The following ACOX1 variants were observed in gnomAD, a reference collection of about 807,000 sequenced individuals.
The protein encoded by ACOX1 is acyl-CoA oxidase 1, also known as peroxisomal acyl-coenzyme A oxidase 1.
A neutral mutation model predicts 75.5 loss-of-function variants in ACOX1; 41 were observed. The ratio of observed to expected loss-of-function variants is 0.54; its 90% confidence interval spans 0.42 to 0.70. The LOEUF (loss-of-function observed/expected upper bound fraction) is 0.70. ACOX1 is among the 30% of genes least tolerant of loss of function. The pLI, the probability that ACOX1 is intolerant of heterozygous loss-of-function variation, is 0.00. For missense variants in ACOX1, 630 were observed against 837.5 expected (o/e 0.75, Z 3.06); for synonymous variants, 303 against 298.8 (o/e 1.01, Z -0.15).
chr17:75,975,765 A>C (rs2066042449), intron 2 of ACOX1, among the ~76,000 whole-genome samples: 1 of 152,048 alleles, frequency 6.6e-6, no homozygotes, highest in African/African-American at 2.4e-5. Flanking sequence ...AACATGGTGA[A>C]ACCCCATTTC....
Position 75,942,109 on chromosome 17 carries a change from G to A in ACOX1, c.*4639C>T, listed in dbSNP as rs576753775. On this transcript the variant is annotated 3_prime_UTR_variant, in exon 14 of 14. Coordinates refer to ENST00000293217, the MANE Select transcript of ACOX1 (RefSeq NM_004035.7). ...TTACTATCATGAACCATAGGAAGAAGTACTGGAAAATTTAGTAAGTGTGGA... is the reference window on the plus strand; with the variant it reads ...TTACTATCATGAACCATAGGAAGAAATACTGGAAAATTTAGTAAGTGTGGA... 2 of 152,294 alleles carry A rather than the reference G, an allele frequency of 1.3e-5. No homozygotes were observed. Among genetic ancestry groups the A allele is most frequent in the East Asian group, 1.9e-4 (1 of 5,184 alleles). The allele number at this position is 152,294 out of a possible 1,614,324, so 9.4% of individuals were successfully genotyped here.
chr17:75,955,719 C>T, intron 5 of ACOX1, 38 bp from the exon 6 acceptor site: 1 of 1,611,560 alleles, frequency 6.2e-7, no homozygotes, highest in East Asian at 2.2e-5. Context: ...GATGTTTATG[C>T]TCTGGAATTT....
chr17:75,963,026 G>A (rs1045760493), intron 2 of ACOX1, among the ~76,000 whole-genome samples: 1 of 152,110 alleles, frequency 6.6e-6, no homozygotes, highest in Non-Finnish European at 1.5e-5. Context: ...AGCTACTTGG[G>A]AGGCTGAGGC....
intron 2 of ACOX1, among the ~76,000 whole-genome samples, chr17:75,976,667 G>T (rs1341460022): frequency 2.6e-5 from 4 of 152,122 alleles, no homozygotes; most frequent in Non-Finnish European, 5.9e-5. Flanking sequence ...GAGCTCTGAG[G>T]AAAGTCCAAA....
Position 75,942,116 on chromosome 17 carries a change from A to G in ACOX1, c.*4632T>C, listed in dbSNP as rs2065675893. The G allele has an allele frequency of 6.6e-6, 1 of 152,208 alleles. No homozygotes were observed. Among genetic ancestry groups the G allele is most frequent in the Non-Finnish European group, 1.5e-5 (1 of 68,040 alleles). The allele number at this position is 152,208 out of a possible 1,614,324, so 9.4% of individuals were successfully genotyped here. ...CATGAACCATAGGAAGAAGTACTGG[A>G]AAATTTAGTAAGTGTGGACAGTTAA... On this transcript the variant is annotated 3_prime_UTR_variant, in exon 14 of 14. Transcript: ENST00000293217.
In ACOX1 at chr17:75,949,231, C is replaced by T; in HGVS notation, c.1714G>A (p.Gly572Arg). 1 of 1,614,192 alleles carries T rather than the reference C, an allele frequency of 6.2e-7. No individual in the cohort carries two copies. Among genetic ancestry groups the T allele is most frequent in the Non-Finnish European group, 8.5e-7 (1 of 1,180,042 alleles). The change falls in exon 12 of 14, where the codon GGG becomes AGG. Residue 572 changes from glycine to arginine, a missense_variant. This residue lies in a region of ACOX1 where 240 missense variants were observed against 262.7 expected (regional missense o/e 0.91). Transcript: ENST00000293217. ...YSLYGISQNA[G>R]DFLQGSIMTE... is the part of the protein sequence containing the mutation. ...AAAATACTGACCTGAAGGAAATCCC[C>T]CGCGTTCTGACTGATTCCATACAGA...
At chr17:75,966,007 G>A (rs866281523) in intron 2 of ACOX1, among the ~76,000 whole-genome samples, 3 of 151,842 alleles carry the variant, frequency 2.0e-5, no homozygotes, top group Middle Eastern at 3.2e-3. Flanking sequence ...GCACATGCCT[G>A]TAATCCCAGC....
chr17:75,979,077 G>A lies in ACOX1; in HGVS notation c.-4C>T, dbSNP rs1440326950. On this transcript the variant is annotated 5_prime_UTR_variant, in exon 1 of 14. Transcript: ENST00000293217. ...CCCTGCGCAGGTCCGGGTTCATGGC[G>A]ACGACCAGCTGGCAGCGAAGTAAGC... 20 of 1,611,072 alleles carry A rather than the reference G, an allele frequency of 1.2e-5. No individual in the cohort carries two copies. Among genetic ancestry groups the A allele is most frequent in the Non-Finnish European group, 1.7e-5 (20 of 1,179,976 alleles).
Position 75,968,403 on chromosome 17 carries a change from T to C in ACOX1, c.270-8028A>G, listed in dbSNP as rs796983157. On this transcript the variant is annotated intron_variant, in intron 2 of 13. Transcript: ENST00000293217. Reference sequence around the variant, plus strand: ...GTGAGCCGAGATCCCGCCACTGCACTCCAGCCTGGGCGACAGAGCGAGACT... The same window carrying C: ...GTGAGCCGAGATCCCGCCACTGCACCCCAGCCTGGGCGACAGAGCGAGACT... Among the ~76,000 whole-genome samples, 417 of 115,798 alleles carry C rather than the reference T, an allele frequency of 3.6e-3. 1 individual carries two copies. Among genetic ancestry groups the C allele is most frequent in the African/African-American group, 0.015 (398 of 26,404 alleles). 76.0% of individuals were successfully genotyped at this position (115,798 alleles called of 152,430 possible). A position where few individuals can be genotyped will look rare whatever the true frequency, so the allele number is the denominator to read the frequency against.
rs974939141 is a variant in ACOX1 at position 75,946,802 on chromosome 17, G to A, written c.1936-7C>T. 1.2e-5 allele frequency: 19 copies of A among 1,612,994 alleles called. No homozygotes were observed. Among genetic ancestry groups the A allele is most frequent in the Non-Finnish European group, 1.4e-5 (17 of 1,179,206 alleles). On this transcript the variant is annotated splice_region_variant and splice_polypyrimidine_tract_variant and intron_variant, in intron 13 of 13. Coordinates refer to ENST00000293217, the MANE Select transcript of ACOX1 (RefSeq NM_004035.7). ...GCTTGTAAGATTCGTGGACCTGTGG[G>A]GAAAGGAGAGAGAAGAACTACTAAT...
chr17:75,975,372 G>A, intron 2 of ACOX1, among the ~76,000 whole-genome samples: 1 of 151,998 alleles, frequency 6.6e-6, no homozygotes, highest in Non-Finnish European at 1.5e-5. Flanking sequence ...GGCCAGGCTG[G>A]TCATGAAGTG....
chr17:75,967,572 A>G (rs2065942994), intron 2 of ACOX1, among the ~76,000 whole-genome samples: 1 of 148,764 alleles, frequency 6.7e-6, no homozygotes, highest in South Asian at 2.1e-4. Context: ...AACGTTTAGC[A>G]AAGCAGAAAA....
chr17:75,955,128 A>C (rs1598179978), intron 6 of ACOX1, among the ~76,000 whole-genome samples: 1 of 132,384 alleles, frequency 7.6e-6, no homozygotes, highest in Non-Finnish European at 1.5e-5. Flanking sequence ...TCAGCCTCCC[A>C]AAAGTGCTGG....
intron 4 of ACOX1, among the ~76,000 whole-genome samples, chr17:75,957,044 C>A (rs2065839816): frequency 6.7e-6 from 1 of 148,548 alleles, no homozygotes; most frequent in South Asian, 2.1e-4. Context: ...TATACACACA[C>A]ACACACCCCT....
At chr17:75,972,172 C>T (rs1401854449) in intron 2 of ACOX1, among the ~76,000 whole-genome samples, 1 of 151,536 alleles carries the variant, frequency 6.6e-6, no homozygotes, top group African/African-American at 2.4e-5. Context: ...TACTAAAATA[C>T]AAAAAATTAG....
intron 6 of ACOX1, among the ~76,000 whole-genome samples, chr17:75,953,899 C>G (rs2065797587): frequency 6.6e-6 from 1 of 152,222 alleles, no homozygotes; most frequent in Admixed American, 6.5e-5. Flanking sequence ...ACCCTGACAA[C>G]TGTTTCTGAT....
In ACOX1 at chr17:75,960,636, C is replaced by T. The variant is rs528851682; in HGVS notation, c.270-261G>A. ...AAAGCCAATGCAGCACAAAACCACA[C>T]GTGCAAGGCAGAGGATCCTCGCCCA... On this transcript the variant is annotated intron_variant, in intron 2 of 13. Coordinates refer to ENST00000293217, the MANE Select transcript of ACOX1 (RefSeq NM_004035.7). This position sits in a 1 kb window ranked among gnomAD's most constrained non-coding sequence, Gnocchi z 4.4. Among the ~76,000 whole-genome samples the T allele has an allele frequency of 5.2e-4, 79 of 152,250 alleles. No homozygotes were observed. The highest frequency in any genetic ancestry group is 3.5e-4 in the Non-Finnish European group (24 of 68,020).
chr17:75,956,965 CTCTCTCTATATATATATATATATA>C (rs1567878001), intron 4 of ACOX1, among the ~76,000 whole-genome samples: 214 of 14,332 alleles, frequency 0.015, no homozygotes, highest in East Asian at 0.029. Flanking sequence ...CTCTCTCTCT[CTCTCTCTATATATATATATATATA>C]TATATATATA....
At chr17:75,963,424 G>A (rs368347077) in intron 2 of ACOX1, among the ~76,000 whole-genome samples, 6 of 151,192 alleles carry the variant, frequency 4.0e-5, no homozygotes, top group South Asian at 2.1e-4. Flanking sequence ...ACTGCAGGCC[G>A]GGCGCGGTGG....
Sources: gnomAD v4.1 joint callset for allele counts (sites outside exome capture counted in the v4.1 genomes callset) on GRCh38, gnomAD v4.1.1 for gene constraint, gnomAD v4.1.1 regional missense constraint, Gnocchi (gnomAD v3.1) non-coding constraint, MANE v1.5 for transcripts, NCBI Gene and HGNC (gene_info 2026-07-23, HGNC 2026-07-21) for gene names.